Variants in GPHN observed in about 807,000 individuals in gnomAD.
The protein encoded by GPHN is gephyrin.
GPHN carries 17 observed loss-of-function variants against 95.5 expected under a neutral mutation model. The observed-to-expected ratio is 0.18, with a 90% CI of 0.12 to 0.27. The LOEUF (loss-of-function observed/expected upper bound fraction) is 0.27. Ranked by LOEUF, GPHN falls within the 10% of genes least tolerant of loss-of-function variation. The probability of loss-of-function intolerance (pLI) is 1.00; values close to 1 mark genes in which losing one functional copy is unlikely to be tolerated. For synonymous variants in GPHN, 320 were observed against 322.5 expected (o/e 0.99, Z 0.08); for missense variants, 660 against 978.1 (o/e 0.67, Z 4.34).
At chr14:67,310,508 A>C in the GPHN span, among the ~76,000 whole-genome samples, 1 of 152,082 alleles carries the variant, frequency 6.6e-6, no homozygotes. Context: ...GGTGTTGGTG[A>C]TATGATGGTT....
chr14:66,527,477 G>A (rs761826667), intron 1 of GPHN, among the ~76,000 whole-genome samples: 9 of 149,554 alleles, frequency 6.0e-5, no homozygotes, highest in South Asian at 2.1e-4. Context: ...TCAGTTCTGC[G>A]CTGACCTTAG....
intron 9 of GPHN, among the ~76,000 whole-genome samples, chr14:66,982,053 C>T (rs1484319263): frequency 6.6e-6 from 1 of 152,028 alleles, no homozygotes. Flanking sequence ...TACCTTAATG[C>T]AGTTATCATA....
intron 2 of GPHN, among the ~76,000 whole-genome samples, chr14:66,681,758 T>C (rs938222678): frequency 6.6e-6 from 1 of 152,184 alleles, no homozygotes; most frequent in African/African-American, 2.4e-5. Context: ...TGTCACTTTC[T>C]ATTTCATAAA....
chr14:66,540,277 A>G (rs1265866241), intron 1 of GPHN, among the ~76,000 whole-genome samples: 1 of 152,102 alleles, frequency 6.6e-6, no homozygotes, highest in East Asian at 1.9e-4. Flanking sequence ...GGCTCTTAAA[A>G]CTTCTGCTTG....
chr14:67,219,489 T>A, the GPHN span, among the ~76,000 whole-genome samples: 1 of 152,222 alleles, frequency 6.6e-6, no homozygotes, highest in East Asian at 1.9e-4. Context: ...GAAGGATGAA[T>A]GACAGGTGTC....
chr14:67,367,718 C>T, the GPHN span, among the ~76,000 whole-genome samples: 1 of 150,436 alleles, frequency 6.6e-6, no homozygotes, highest in African/African-American at 2.5e-5. Context: ...ACCCTGTAGT[C>T]CCAGCTTCTC....
intron 11 of GPHN, among the ~76,000 whole-genome samples, chr14:67,078,801 G>A (rs927981849): frequency 6.6e-6 from 1 of 152,068 alleles, no homozygotes; most frequent in African/African-American, 2.4e-5. Flanking sequence ...GATTCCTTTT[G>A]TATCTGCTGC....
the GPHN span, among the ~76,000 whole-genome samples, chr14:67,322,109 G>A: frequency 1.5e-3 from 230 of 152,146 alleles, 4 homozygotes; most frequent in East Asian, 7.7e-4. Flanking sequence ...ATTTTAGGAC[G>A]CCAATGTGGG....
At chr14:67,520,357 C>T in the GPHN span, among the ~76,000 whole-genome samples, 3 of 152,206 alleles carry the variant, frequency 2.0e-5, no homozygotes, top group African/African-American at 4.8e-5. Flanking sequence ...TCCCCCTTAA[C>T]CCCTGGCAAC....
intron 3 of GPHN, among the ~76,000 whole-genome samples, chr14:66,820,836 GT>G (rs1205574815): frequency 2.0e-5 from 3 of 152,054 alleles, no homozygotes; most frequent in African/African-American, 7.2e-5. Context: ...TTTTCCTCTA[GT>G]TTTTACTCTT....
the GPHN span, among the ~76,000 whole-genome samples, chr14:67,273,609 A>G: frequency 6.6e-6 from 1 of 152,236 alleles, no homozygotes; most frequent in Non-Finnish European, 1.5e-5. Context: ...TTATAGCAGC[A>G]TGATTTATAA....
the GPHN span, chr14:67,320,398 G>GT: frequency 6.3e-7 from 1 of 1,592,646 alleles, no homozygotes; most frequent in South Asian, 1.1e-5. Context: ...GCAGTTCCTC[G>GT]TAAGTTTGAA....
intron 1 of GPHN, among the ~76,000 whole-genome samples, chr14:66,556,969 CAGG>C (rs1400334944): frequency 6.6e-6 from 1 of 152,054 alleles, no homozygotes; most frequent in African/African-American, 2.4e-5. Context: ...GGAGCCAAGA[CAGG>C]AGGATTGCTG....
the GPHN span, among the ~76,000 whole-genome samples, chr14:67,604,886 A>G: frequency 7.2e-5 from 11 of 152,120 alleles, no homozygotes; most frequent in African/African-American, 2.7e-4. Context: ...CCCCTAATTG[A>G]GATAGTGCCT....
chr14:67,347,268 T>G, the GPHN span: 1 of 668,092 alleles, frequency 1.5e-6, no homozygotes, highest in Admixed American at 3.1e-5. Context: ...TGATCAACTA[T>G]TGTCCTGACT....
At chr14:67,333,693 T>C in the GPHN span, 2 of 152,572 alleles carry the variant, frequency 1.3e-5, no homozygotes, top group East Asian at 3.9e-4. Context: ...TTTCCTGAAT[T>C]TTTTTCTTAA....
chr14:67,656,649 T>C, the GPHN span: 211,802 of 1,523,490 alleles, frequency 0.14, 15,401 homozygotes, highest in East Asian at 0.2. Context: ...ATTGCCAGCA[T>C]ATTCCTCATC....
chr14:66,763,505 C>A, intron 2 of GPHN, among the ~76,000 whole-genome samples: 1 of 147,498 alleles, frequency 6.8e-6, no homozygotes, highest in African/African-American at 2.5e-5. Context: ...GTTTTTTGTT[C>A]TTGCGATGGT....
At chr14:66,791,191 G>A (rs1054618995) in intron 3 of GPHN, among the ~76,000 whole-genome samples, 1 of 152,062 alleles carries the variant, frequency 6.6e-6, no homozygotes, top group African/African-American at 2.4e-5. Context: ...TCCTTTACCT[G>A]GGTACCCCAC....
Sources: gnomAD v4.1 joint callset for allele counts (sites outside exome capture counted in the v4.1 genomes callset) on GRCh38, gnomAD v4.1.1 for gene constraint, MANE v1.5 for transcripts, NCBI Gene and HGNC (gene_info 2026-07-23, HGNC 2026-07-21) for gene names.